DCHS2: variants seen among roughly 807,000 people sequenced by gnomAD.
DCHS2 encodes dachsous cadherin-related 2.
In DCHS2, 142 loss-of-function variants were observed where a neutral mutation model predicts 182.4. The ratio of observed to expected loss-of-function variants is 0.78; its 90% CI spans 0.68 to 0.89. The LOEUF is 0.89. DCHS2 is among the 40% of genes least tolerant of loss of function. The probability of loss-of-function intolerance (pLI) is 0.00; values close to 1 mark genes in which losing one functional copy is unlikely to be tolerated. For missense variants in DCHS2, 4,319 were observed against 4,198.6 expected (o/e 1.03, Z -0.79); for synonymous variants, 1,740 against 1,663.3 (o/e 1.05, Z -1.12).
rs1021249280 is a variant in DCHS2, at chr4:154,332,839, C to G, written c.3369G>C (p.Ser1123=). ...TAGCAGAGTCTACGCTGGGTTCCAG[C>G]GAGTACCTAAGAGGCGAGGCTGCAC... ...PQRAASPLRY[S]LEPSVDSAMF... The change falls in exon 5 of 20, where the codon TCG becomes TCC. Residue 1123 remains serine, a synonymous_variant. Transcript: ENST00000357232. 2 of 1,614,212 alleles carry G rather than the reference C, an allele frequency of 1.2e-6. No homozygotes were observed. The highest frequency in any genetic ancestry group is 2.2e-5 in the East Asian group (1 of 44,882).
chr4:154,487,293 C>T (rs1728622113), intron 1 of DCHS2, among the ~76,000 whole-genome samples: 1 of 152,182 alleles, frequency 6.6e-6, no homozygotes, highest in Admixed American at 6.5e-5. Flanking sequence ...TTCTCAGCCT[C>T]CTTTGCAGTA....
At chr4:154,395,367 T>C (rs890447913) in intron 1 of DCHS2, among the ~76,000 whole-genome samples, 3 of 152,146 alleles carry the variant, frequency 2.0e-5, no homozygotes, top group Non-Finnish European at 4.4e-5. Context: ...CACACATTTT[T>C]CTATACTGTT....
chr4:154,255,815 C>T, intron 15 of DCHS2, 145 bp from the exon 16 acceptor site: 1 of 1,302,908 alleles, frequency 7.7e-7, no homozygotes. Flanking sequence ...CAACAGACAA[C>T]TGAAGCTTAC....
At chr4:154,292,491 C>T (rs1486406166) in intron 13 of DCHS2, among the ~76,000 whole-genome samples, 1 of 152,202 alleles carries the variant, frequency 6.6e-6, no homozygotes, top group East Asian at 1.9e-4. Context: ...CAGCTGACTC[C>T]AGAATTCACA....
rs184282247 is a variant in DCHS2, at chr4:154,486,313, A to G, written c.2052+2991T>C. 2.8e-6 allele frequency: 3 copies of G among 1,079,820 alleles called. No homozygotes were observed. In the African/African-American group the frequency reaches 4.9e-5, roughly 18 times the overall value. The allele number at this position is 1,079,820 out of a possible 1,614,324, so 66.9% of individuals were successfully genotyped here. A position where few individuals can be genotyped will look rare whatever the true frequency, so the allele number is the denominator to read the frequency against. On this transcript the variant is annotated intron_variant, in intron 1 of 19. Transcript: ENST00000357232. ...CGGAGAGGGGAGGGTGGCCAGCACC[A>G]TAGTGCCAGCAACAGCAGCAACTAG...
intron 1 of DCHS2, among the ~76,000 whole-genome samples, chr4:154,429,533 C>T (rs1319766671): frequency 1.3e-5 from 2 of 152,118 alleles, no homozygotes; most frequent in African/African-American, 4.8e-5. Context: ...AAGGAGGCAG[C>T]GTAGAACTCA....
At chr4:154,268,234 C>CAA (rs979095368) in intron 14 of DCHS2, among the ~76,000 whole-genome samples, 1 of 129,794 alleles carries the variant, frequency 7.7e-6, no homozygotes, top group Admixed American at 7.3e-5. Context: ...TCACTTTCCC[C>CAA]CCCCCAAAAA....
chr4:154,483,122 G>T (rs1206425723), intron 1 of DCHS2, among the ~76,000 whole-genome samples: 1 of 152,168 alleles, frequency 6.6e-6, no homozygotes, highest in African/African-American at 2.4e-5. Flanking sequence ...GGCAGGGGGA[G>T]ATATAGTTGG....
intron 3 of DCHS2, among the ~76,000 whole-genome samples, chr4:154,351,733 A>C (rs1286874244): frequency 1.3e-5 from 2 of 152,064 alleles, no homozygotes; most frequent in African/African-American, 4.8e-5. Flanking sequence ...CGCAACCTAG[A>C]TCTCCTGCAC....
At chr4:154,373,999 TAGCAAA>T in intron 2 of DCHS2, 1 of 824,234 alleles carries the variant, frequency 1.2e-6, no homozygotes, top group African/African-American at 3.6e-5. Context: ...GATATTTTAA[TAGCAAA>T]AAAAAAAAAA....
chr4:154,294,149 A>AG (rs1465725904), intron 13 of DCHS2, among the ~76,000 whole-genome samples: 6 of 152,212 alleles, frequency 3.9e-5, no homozygotes, highest in Non-Finnish European at 8.8e-5. Flanking sequence ...ACTACTGGTA[A>AG]TCATGATGGT....
At chr4:154,441,363 A>C (rs1275107263) in intron 1 of DCHS2, among the ~76,000 whole-genome samples, 1 of 152,204 alleles carries the variant, frequency 6.6e-6, no homozygotes, top group East Asian at 1.9e-4. Context: ...TACACAGTTC[A>C]TGAATTAATT....
chr4:154,331,220 G>A (rs996331791), intron 5 of DCHS2, among the ~76,000 whole-genome samples: 2 of 152,146 alleles, frequency 1.3e-5, no homozygotes, highest in African/African-American at 4.8e-5. Flanking sequence ...ATGGCACAGG[G>A]CGTGTCAGGA....
Position 154,332,474 on chromosome 4 carries a change from C to T in DCHS2, c.3730+4G>A. The T allele has an allele frequency of 1.2e-6, 2 of 1,603,400 alleles. No homozygotes were observed. Among genetic ancestry groups the T allele is most frequent in the Non-Finnish European group, 1.7e-6 (2 of 1,173,236 alleles). ...AGGAATAGGTGGAAACTATGAAGTG[C>T]TACCTGTATTAGGATTCATCTTGAA... On this transcript the variant is annotated splice_donor_region_variant and intron_variant, in intron 5 of 19. Transcript: ENST00000357232.
At chr4:154,295,215 G>C (rs1004165686) in intron 13 of DCHS2, among the ~76,000 whole-genome samples, 1 of 152,192 alleles carries the variant, frequency 6.6e-6, no homozygotes, top group Non-Finnish European at 1.5e-5. Flanking sequence ...GCTTTGTGAA[G>C]TACGTACCCT....
At chr4:154,281,077 T>C (rs191343148) in intron 13 of DCHS2, among the ~76,000 whole-genome samples, 1,948 of 152,198 alleles carry the variant, frequency 0.013, 44 homozygotes, top group African/African-American at 0.044. Flanking sequence ...TCTGCCCACC[T>C]CGACCTCCCA....
intron 3 of DCHS2, among the ~76,000 whole-genome samples, chr4:154,360,969 G>A (rs963725365): frequency 1.3e-5 from 2 of 152,128 alleles, no homozygotes; most frequent in Non-Finnish European, 2.9e-5. Flanking sequence ...ATTCACTGAT[G>A]TATCCCAAAC....
In DCHS2 at chr4:154,386,541, T is replaced by C. The variant is rs566785674; in HGVS notation, c.2053-9097A>G. ...CTTCAGAGAACTTATCTCCAAGTTATGTTGCATTATATATTTTTATTTATT... is the reference window on the plus strand; with the variant it reads ...CTTCAGAGAACTTATCTCCAAGTTACGTTGCATTATATATTTTTATTTATT... On this transcript the variant is annotated intron_variant, in intron 1 of 19. Transcript: ENST00000357232. Among the ~76,000 whole-genome samples, 11 of 152,302 alleles carry C rather than the reference T, an allele frequency of 7.2e-5. No homozygotes were observed. In the East Asian group the frequency reaches 2.1e-3, roughly 29 times the overall value.
intron 1 of DCHS2, among the ~76,000 whole-genome samples, chr4:154,476,766 T>C (rs1007068272): frequency 1.3e-5 from 2 of 152,220 alleles, no homozygotes; most frequent in Non-Finnish European, 2.9e-5. Context: ...CTGCAGAACA[T>C]AAGACGCATT....
Sources: allele counts gnomAD v4.1 joint callset (sites outside exome capture counted in the v4.1 genomes callset), GRCh38; gene constraint gnomAD v4.1.1; transcripts MANE v1.5; gene names NCBI Gene and HGNC (gene_info 2026-07-23, HGNC 2026-07-21).